The following TRAPPC14 variants were observed in gnomAD, a reference collection of about 807,000 sequenced individuals.
The protein encoded by TRAPPC14 is microtubule associated protein 11.
Under a neutral mutation model 56.6 loss-of-function variants are expected in TRAPPC14, and 24 were observed. The ratio of observed to expected loss-of-function variants is 0.42; its 90% CI spans 0.31 to 0.60. TRAPPC14 has a LOEUF of 0.60. TRAPPC14 is among the 20% of genes least tolerant of loss of function. The pLI is 0.14. For synonymous variants in TRAPPC14, 377 were observed against 347.0 expected, an observed-to-expected ratio of 1.09 and a Z score of -0.96; for missense variants, 615 against 790.3, an observed-to-expected ratio of 0.78 and a Z score of 2.66.
At chr7:100,155,586 C>G in intron 9 of TRAPPC14, 85 bp downstream of exon 9, 1 of 1,514,132 alleles carries the variant, frequency 6.6e-7, no homozygotes, top group Non-Finnish European at 8.9e-7. Context: ...CTTTTTATTT[C>G]ATCCCCAAAA....
intron 2 of TRAPPC14, 25 bp downstream of exon 2, chr7:100,157,818 A>G: frequency 6.2e-7 from 1 of 1,613,112 alleles, no homozygotes; most frequent in Non-Finnish European, 8.5e-7. Flanking sequence ...AATTAGGACA[A>G]TAGCTCCACT....
At chr7:100,156,819 T>G in intron 6 of TRAPPC14, 26 bp downstream of exon 6, 1 of 1,612,196 alleles carries the variant, frequency 6.2e-7, no homozygotes, top group South Asian at 1.1e-5. Flanking sequence ...CACTTTTCTT[T>G]GAACACACCA....
chr7:100,154,943 G>C lies in TRAPPC14; in HGVS notation c.*68C>G. The C allele has an allele frequency of 1.3e-6, 2 of 1,542,752 alleles. No individual in the cohort carries two copies. ...AGGCATCCCAGGGGAGGCACAGCCCGGGAGCAGGGATCCCCTCTGGGGGCG... is the reference window on the plus strand; with the variant it reads ...AGGCATCCCAGGGGAGGCACAGCCCCGGAGCAGGGATCCCCTCTGGGGGCG... On this transcript the variant is annotated 3_prime_UTR_variant, in exon 11 of 11. Transcript: ENST00000316937.
At chr7:100,155,484 G>A (rs768815663) in intron 9 of TRAPPC14, 29 bp from the exon 10 acceptor site, 58 of 1,514,694 alleles carry the variant, frequency 3.8e-5, no homozygotes, top group Non-Finnish European at 4.7e-5. Flanking sequence ...CAGCATGCCA[G>A]CTCGGCTTCC....
chr7:100,156,210 T>TC (rs1422860855), intron 8 of TRAPPC14, 176 bp downstream of exon 8: 1 of 637,688 alleles, frequency 1.6e-6, no homozygotes, highest in Non-Finnish European at 2.7e-6. Flanking sequence ...CTCTAAACTC[T>TC]CCATCTAGGA....
chr7:100,157,859 C>T lies in TRAPPC14; in HGVS notation c.491G>A (p.Gly164Glu). 6.3e-7 allele frequency: 1 copy of T among 1,590,914 alleles called. No homozygotes were observed. Residue 164 changes from glycine (G) to glutamate (E), a missense_variant, in exon 2 of 11, where the codon GGG becomes GAG. Physicochemically the swap from Gly to Glu is moderately conservative, Grantham distance 98. Coordinates refer to ENST00000316937, the MANE Select transcript of TRAPPC14 (RefSeq NM_018275.5). ...TCATCTTACCTTGGCCTTAGGTGTC[C>T]CTGGGGGCAGTCTATCCAGTGAAAC... ...LTVSLDRLPP[G>E]TPKAKIVVTV...
intron 6 of TRAPPC14, 29 bp from the exon 7 acceptor site, chr7:100,156,745 A>T: frequency 6.3e-7 from 1 of 1,597,470 alleles, no homozygotes; most frequent in Non-Finnish European, 8.5e-7. Context: ...GGGTTGGCAC[A>T]GGTATTAAGA....
At chr7:100,156,255 C>T (rs1210659838) in intron 8 of TRAPPC14, 131 bp downstream of exon 8, 2 of 872,972 alleles carry the variant, frequency 2.3e-6, no homozygotes, top group South Asian at 3.3e-5. Flanking sequence ...GGGCGGAAGC[C>T]ACCTGCCACA....
Position 100,154,870 on chromosome 7 carries a change from C to T in TRAPPC14, c.*141G>A, listed in dbSNP as rs756525423. The T allele has an allele frequency of 1.4e-5, 11 of 774,998 alleles. No individual in the cohort carries two copies. Among genetic ancestry groups the T allele is most frequent in the Admixed American group, 2.3e-5 (1 of 43,920 alleles). 48.0% of individuals were successfully genotyped at this position (774,998 alleles called of 1,614,324 possible). ...AGCTTCTTCCCCCATCCCTCATCAG[C>T]AGACACAAGACAGGCAGCTCTGCCA... On this transcript the variant is annotated 3_prime_UTR_variant, in exon 11 of 11. Transcript: ENST00000316937.
chr7:100,158,332 C>A lies in TRAPPC14; in HGVS notation c.168G>T (p.Ala56=). The A allele has an allele frequency of 6.8e-7, 1 of 1,464,616 alleles. No individual in the cohort carries two copies. 90.7% of individuals were successfully genotyped at this position (1,464,616 alleles called of 1,614,324 possible). ...FLLVLRCRGG[A]GSGTGGGPGL... is the part of the protein sequence containing the mutation. ...CCGGGCCGCCCCCGGTGCCGGACCC[C>A]GCACCGCCCCGGCAGCGCAACACCA... is the stretch of plus-strand genomic sequence containing the variant. The change falls in exon 1 of 11, where the codon GCG becomes GCT. Residue 56 remains alanine (A), a synonymous_variant. Coordinates refer to ENST00000316937, the MANE Select transcript of TRAPPC14 (RefSeq NM_018275.5).
At position 100,158,118 on chromosome 7, in the gene TRAPPC14, C is replaced by T. The variant is rs1584620839; in HGVS notation, c.382G>A (p.Gly128Ser). 7 of 1,501,752 alleles carry T rather than the reference C, an allele frequency of 4.7e-6. No individual in the cohort carries two copies. Among genetic ancestry groups the T allele is most frequent in the South Asian group, 1.3e-5 (1 of 78,674 alleles). 93.0% of individuals were successfully genotyped at this position (1,501,752 alleles called of 1,614,324 possible). A position where few individuals can be genotyped will look rare whatever the true frequency, so the allele number is the denominator to read the frequency against. ...GTCGCTCCCCCTGAGGTAGCAGGGC[C>T]CGGGCCGTGGGTGAGAAGGGGGCTG... Reference protein sequence around the residue: ...GCSPLLTHGPGPATSGGATTL... With the variant: ...GCSPLLTHGPSPATSGGATTL... Residue 128 changes from glycine to serine, a missense_variant, in exon 1 of 11, where the codon GGC becomes AGC. Coordinates refer to ENST00000316937, the MANE Select transcript of TRAPPC14 (RefSeq NM_018275.5).
intron 8 of TRAPPC14, 184 bp downstream of exon 8, chr7:100,156,202 C>G (rs767057462): frequency 1.1e-5 from 7 of 632,890 alleles, no homozygotes; most frequent in Non-Finnish European, 1.9e-5. Flanking sequence ...CACTGCCTCT[C>G]TAAACTCTCC....
rs548775798 is a variant in TRAPPC14 at position 100,155,020 on chromosome 7, G to A, written c.1734C>T (p.Pro578=). The change falls in exon 11 of 11, where the codon CCC becomes CCT. Residue 578 remains proline (P), a synonymous_variant. Transcript: ENST00000316937. ...KRECKVLVVE[P]VK ...CAGAGCTGGCACGGTGCTACTTGAC[G>A]GGTTCCACCACCAGGACCTTGCACT... is the stretch of plus-strand genomic sequence containing the variant. 1.7e-5 allele frequency: 27 copies of A among 1,614,050 alleles called. No homozygotes were observed. The highest frequency in any genetic ancestry group is 4.0e-5 in the African/African-American group (3 of 75,016).
chr7:100,157,346 G>A, intron 4 of TRAPPC14, 27 bp downstream of exon 4: 1 of 1,613,460 alleles, frequency 6.2e-7, no homozygotes, highest in Non-Finnish European at 8.5e-7. Flanking sequence ...GTTGCTCCCG[G>A]AGGCTGGAGC....
In TRAPPC14 at chr7:100,158,655, A is replaced by C; in HGVS notation, c.-156T>G. On this transcript the variant is annotated 5_prime_UTR_variant, in exon 1 of 11. Transcript: ENST00000316937. ...CCCGGTCCCGGCACCGGGGCAACGA[A>C]CCCGAACCGAGACCCGGCAGCGCCG... 6 of 653,376 alleles carry C rather than the reference A, an allele frequency of 9.2e-6. No individual in the cohort carries two copies. The highest frequency in any genetic ancestry group is 1.3e-5 in the Non-Finnish European group (6 of 457,944). 40.5% of individuals were successfully genotyped at this position (653,376 alleles called of 1,614,324 possible).
rs1284674211 is a variant in TRAPPC14, at chr7:100,154,872, G to C, written c.*139C>G. The C allele has an allele frequency of 2.5e-6, 2 of 792,194 alleles. No homozygotes were observed. Among genetic ancestry groups the C allele is most frequent in the South Asian group, 3.2e-5 (2 of 62,520 alleles). 49.1% of individuals were successfully genotyped at this position (792,194 alleles called of 1,614,324 possible). ...CTTCTTCCCCCATCCCTCATCAGCA[G>C]ACACAAGACAGGCAGCTCTGCCAGG... On this transcript the variant is annotated 3_prime_UTR_variant, in exon 11 of 11. Transcript: ENST00000316937.
Position 100,155,324 on chromosome 7 carries a change from C to T in TRAPPC14, c.1527G>A (p.Gln509=). The change falls in exon 10 of 11, where the codon CAG becomes CAA. Residue 509 remains glutamine, a synonymous_variant. Transcript: ENST00000316937. ...PAVRDLVERH[Q]ASLGRSQSFS... Reference sequence around the variant, plus strand: ...AGGACTGGGAGCGGCCCAGGCTAGCCTGATGCCTCTCCACCAAGTCCCGGA... The same window carrying T: ...AGGACTGGGAGCGGCCCAGGCTAGCTTGATGCCTCTCCACCAAGTCCCGGA... 1 of 1,553,280 alleles carries T rather than the reference C, an allele frequency of 6.4e-7. No homozygotes were observed. The highest frequency in any genetic ancestry group is 8.7e-7 in the Non-Finnish European group (1 of 1,148,826).
chr7:100,158,191 C>T lies in TRAPPC14; in HGVS notation c.309G>A (p.Glu103=). The change falls in exon 1 of 11, where the codon GAG becomes GAA. Residue 103 remains glutamate (E), a synonymous_variant. Coordinates refer to ENST00000316937, the MANE Select transcript of TRAPPC14 (RefSeq NM_018275.5). ...GGGGAGDQDS[E]PPGGGDPGGG... is the part of the protein sequence containing the mutation. The stretch of plus-strand genomic sequence containing the variant: ...CCCCAGGATCCCCTCCCCCTGGGGG[C>T]TCCGAATCCTGGTCGCCGGCGCCGC... The T allele has an allele frequency of 2.1e-6, 3 of 1,456,042 alleles. No individual in the cohort carries two copies. The highest frequency in any genetic ancestry group is 1.8e-6 in the Non-Finnish European group (2 of 1,112,848). The allele number at this position is 1,456,042 out of a possible 1,614,324, so 90.2% of individuals were successfully genotyped here.
chr7:100,156,193 A>C, intron 8 of TRAPPC14, 193 bp downstream of exon 8: 2 of 621,698 alleles, frequency 3.2e-6, no homozygotes, highest in Non-Finnish European at 5.7e-6. Flanking sequence ...ACTCTGCCCC[A>C]CTGCCTCTCT....
Sources: allele counts gnomAD v4.1 joint callset, GRCh38; gene constraint gnomAD v4.1.1; transcripts MANE v1.5; gene names NCBI Gene and HGNC (gene_info 2026-07-23, HGNC 2026-07-21).